Variants in ZFHX3 observed in about 807,000 individuals in gnomAD.
The protein encoded by ZFHX3 is zinc finger homeobox 3.
Under a neutral mutation model 279.1 loss-of-function variants are expected in ZFHX3, and 42 were observed. The ratio of observed to expected loss-of-function variants is 0.15; its 90% CI spans 0.12 to 0.19. ZFHX3 has a LOEUF of 0.19. Among genes scored for constraint, ZFHX3 ranks in the 10% least tolerant of loss-of-function variants. ZFHX3 has a pLI of 1.00. For synonymous variants in ZFHX3, 2,293 were observed against 1,957.8 expected (o/e 1.17, Z -4.52); for missense variants, 4,981 against 4,754.0 (o/e 1.05, Z -1.40).
intron 2 of ZFHX3, among the ~76,000 whole-genome samples, chr16:73,527,549 T>G (rs2019716558): frequency 6.6e-6 from 1 of 152,164 alleles, no homozygotes; most frequent in African/African-American, 2.4e-5. Context: ...CCCTTGAGTA[T>G]AGGAGGGACC....
intron 1 of ZFHX3, among the ~76,000 whole-genome samples, chr16:73,685,216 C>T (rs1031691094): frequency 1.3e-5 from 2 of 151,672 alleles, no homozygotes; most frequent in African/African-American, 4.8e-5. Context: ...CAGGGTTTCA[C>T]CGTGTTGGCC....
At chr16:72,820,850 A>C (rs1277636232) in intron 5 of ZFHX3, among the ~76,000 whole-genome samples, 1 of 152,204 alleles carries the variant, frequency 6.6e-6, no homozygotes, top group Non-Finnish European at 1.5e-5. Flanking sequence ...GAGGTGCAGG[A>C]CATAGATCAA....
chr16:73,440,672 C>T (rs1338382911), intron 3 of ZFHX3, among the ~76,000 whole-genome samples: 2 of 152,196 alleles, frequency 1.3e-5, no homozygotes, highest in African/African-American at 4.8e-5. Context: ...TTCCAATTCA[C>T]CAGCCACTAT....
At chr16:73,163,002 A>C (rs1322362927) in intron 5 of ZFHX3, among the ~76,000 whole-genome samples, 1 of 152,194 alleles carries the variant, frequency 6.6e-6, no homozygotes, top group Non-Finnish European at 1.5e-5. Context: ...TGTGGTCTTC[A>C]GGTGTTTTCT....
chr16:73,287,471 G>C (rs1311959485), intron 4 of ZFHX3, among the ~76,000 whole-genome samples: 1 of 140,424 alleles, frequency 7.1e-6, no homozygotes, highest in South Asian at 2.4e-4. Flanking sequence ...TGTGTGGGTC[G>C]GTGTGTGGCT....
intron 1 of ZFHX3, among the ~76,000 whole-genome samples, chr16:73,798,741 G>T (rs1960066950): frequency 6.6e-6 from 1 of 151,466 alleles, no homozygotes; most frequent in Admixed American, 6.6e-5. Context: ...AAGCACAAGT[G>T]TGGGGCCAGG....
At chr16:73,761,835 A>G (rs1474383740) in intron 1 of ZFHX3, among the ~76,000 whole-genome samples, 2 of 152,194 alleles carry the variant, frequency 1.3e-5, no homozygotes, top group East Asian at 3.8e-4. Flanking sequence ...AATTAACTCA[A>G]GATGGATTAA....
At chr16:73,830,200 G>C (rs1457723526) in intron 1 of ZFHX3, among the ~76,000 whole-genome samples, 1 of 133,376 alleles carries the variant, frequency 7.5e-6, no homozygotes, top group African/African-American at 2.9e-5. Context: ...TCTTTGACTC[G>C]GAAAGGGAAC....
chr16:73,182,373 C>T (rs1460006599), intron 5 of ZFHX3, among the ~76,000 whole-genome samples: 5 of 152,172 alleles, frequency 3.3e-5, no homozygotes, highest in South Asian at 2.1e-4. Flanking sequence ...ATGAGAATCG[C>T]TTGAACCTGG....
rs2012935045 is a variant in ZFHX3, at chr16:73,235,982, A to G, written c.-1104+21065T>C. ...CATTGCACCTGGCCCAAATATATCA[A>G]TCTTTTAAAAACCATCTATGAGTTA... is the stretch of plus-strand genomic sequence containing the variant. On this transcript the variant is annotated intron_variant, in intron 5 of 17. Transcript: ENST00000641206. Among the ~76,000 whole-genome samples, 10 of 152,296 alleles carry G rather than the reference A, an allele frequency of 6.6e-5. No homozygotes were observed. In the South Asian group the frequency reaches 1.7e-3, roughly 25 times the overall value.
At chr16:73,501,719 A>T (rs778041466) in intron 2 of ZFHX3, among the ~76,000 whole-genome samples, 2 of 152,222 alleles carry the variant, frequency 1.3e-5, no homozygotes, top group Non-Finnish European at 2.9e-5. Context: ...AAATGTCTCA[A>T]AGAGCTCCCA....
intron 8 of ZFHX3, among the ~76,000 whole-genome samples, chr16:73,088,327 A>G (rs11642593): frequency 0.2 from 30,019 of 151,494 alleles, 3,481 homozygotes; most frequent in Non-Finnish European, 0.26. Context: ...TGTATTTTGT[A>G]TTTTTCGTAG....
chr16:73,354,282 G>T (rs1180993224), intron 3 of ZFHX3, among the ~76,000 whole-genome samples: 1 of 152,224 alleles, frequency 6.6e-6, no homozygotes, highest in African/African-American at 2.4e-5. Context: ...TTATGAGGTT[G>T]TCTCAAGTTT....
At chr16:73,255,607 G>C (rs894162861) in intron 5 of ZFHX3, among the ~76,000 whole-genome samples, 2 of 152,192 alleles carry the variant, frequency 1.3e-5, no homozygotes, top group Non-Finnish European at 2.9e-5. Flanking sequence ...CTGGAGAAGA[G>C]TAACAGTCAC....
In ZFHX3 at chr16:73,784,796, A is replaced by AAAAATAT. The variant is rs56734827; in HGVS notation, c.-1607-104557_-1607-104556insATATTTT. Reference sequence around the variant, plus strand: ...CTATTTTTAACAAAATAAAAAAAAAAATATATATATATATATATATACACA... The same window carrying AAAAATAT: ...CTATTTTTAACAAAATAAAAAAAAAAAAAATATATATATATATATATATATATACACA... On this transcript the variant is annotated intron_variant, in intron 1 of 17. Coordinates refer to the ZFHX3 transcript ENST00000641206. Among the ~76,000 whole-genome samples the AAAAATAT allele has an allele frequency of 4.2e-3, 554 of 131,018 alleles. 3 individuals are homozygous for AAAAATAT. The highest frequency in any genetic ancestry group is 7.2e-3 in the Non-Finnish European group (451 of 62,862). The allele number at this position is 131,018 out of a possible 152,430, so 86.0% of individuals were successfully genotyped here. A position where few individuals can be genotyped will look rare whatever the true frequency, so the allele number is the denominator to read the frequency against.
intron 2 of ZFHX3, among the ~76,000 whole-genome samples, chr16:73,629,477 A>G (rs1186338288): frequency 6.6e-6 from 1 of 152,150 alleles, no homozygotes; most frequent in African/African-American, 2.4e-5. Flanking sequence ...CATTTATGAT[A>G]TTGTGGACTT....
chr16:73,857,021 T>A (rs1017449786), intron 1 of ZFHX3, among the ~76,000 whole-genome samples: 1 of 152,122 alleles, frequency 6.6e-6, no homozygotes, highest in Non-Finnish European at 1.5e-5. Context: ...AGTGCCGAGG[T>A]AATTCCTTCA....
At chr16:73,062,291 G>A (rs976538229), upstream of ZFHX3, 1 of 151,940 alleles carries the variant, frequency 6.6e-6, no homozygotes, top group African/African-American at 2.4e-5. Flanking sequence ...TGCATAAAGG[G>A]GTACATAAAT....
At chr16:73,634,433 A>AATATATATATATATATATAAATATAT (rs2052508567) in intron 2 of ZFHX3, among the ~76,000 whole-genome samples, 1 of 59,884 alleles carries the variant, frequency 1.7e-5, no homozygotes, top group African/African-American at 4.4e-5. Context: ...TATTATGTAT[A>AATATATATATATATATATAAATATAT]ATATATATAT....
Sources: allele counts gnomAD v4.1 joint callset (sites outside exome capture counted in the v4.1 genomes callset), GRCh38; gene constraint gnomAD v4.1.1; transcripts MANE v1.5; gene names NCBI Gene and HGNC (gene_info 2026-07-23, HGNC 2026-07-21).